The following PHKB variants were observed in gnomAD, a reference collection of about 807,000 sequenced individuals.
PHKB encodes the protein phosphorylase b kinase regulatory subunit beta.
PHKB carries 122 observed loss-of-function variants against 152.1 expected under a neutral mutation model. That is an observed-to-expected ratio of 0.80 (90% confidence interval 0.69 to 0.93). The LOEUF is 0.93. Among genes scored for constraint, PHKB ranks in the 40% least tolerant of loss-of-function variants. The probability of loss-of-function intolerance (pLI) is 0.00; values close to 1 mark genes in which losing one functional copy is unlikely to be tolerated. For missense variants in PHKB, 1,304 were observed against 1,328.4 expected (o/e 0.98, Z 0.29); for synonymous variants, 436 against 464.9 (o/e 0.94, Z 0.80).
intron 14 of PHKB, among the ~76,000 whole-genome samples, chr16:47,636,968 C>A (rs377152933): frequency 6.6e-6 from 1 of 152,144 alleles, no homozygotes; most frequent in Non-Finnish European, 1.5e-5. Flanking sequence ...GATCAGCATG[C>A]GCTTCCTCCC....
chr16:47,665,958 G>T (rs1973530834), intron 25 of PHKB: 1 of 1,613,864 alleles, frequency 6.2e-7, no homozygotes, highest in Non-Finnish European at 8.5e-7. Context: ...TGTACGCCGT[G>T]CAGCAAGTCT....
chr16:47,580,339 T>C lies in PHKB; in HGVS notation c.755T>C (p.Phe252Ser). The C allele has an allele frequency of 6.2e-7, 1 of 1,612,374 alleles. No homozygotes were observed. Among genetic ancestry groups the C allele is most frequent in the Non-Finnish European group, 8.5e-7 (1 of 1,178,614 alleles). ...GCAGCTCTAGAAGCAATTAATGGAT[T>C]CAACCTTTTTGGCAACCAGGTAAAA... is the stretch of plus-strand genomic sequence containing the variant. ...AKAALEAING[F>S]NLFGNQGCSW... is the part of the protein sequence containing the mutation. The change falls in exon 8 of 31, where the codon TTC becomes TCC. Residue 252 changes from phenylalanine to serine, a missense_variant. Transcript: ENST00000323584.
intron 1 of PHKB, among the ~76,000 whole-genome samples, chr16:47,468,129 C>T (rs1257291744): frequency 1.3e-5 from 2 of 152,124 alleles, no homozygotes; most frequent in Non-Finnish European, 2.9e-5. Context: ...CTTTCTACTC[C>T]ACCTCTAAAA....
chr16:47,690,088 A>T (rs779324951), intron 27 of PHKB, among the ~76,000 whole-genome samples: 38 of 152,374 alleles, frequency 2.5e-4, no homozygotes, highest in Non-Finnish European at 4.9e-4. Context: ...CACAACAGAC[A>T]AATAGAAGAG....
At chr16:47,677,716 G>C (rs550994485) in intron 26 of PHKB, among the ~76,000 whole-genome samples, 3 of 152,154 alleles carry the variant, frequency 2.0e-5, no homozygotes, top group South Asian at 2.1e-4. Context: ...TTTGGAGGGG[G>C]AGAAAGAATT....
At chr16:47,668,080 T>C (rs1973570540) in intron 25 of PHKB, among the ~76,000 whole-genome samples, 1 of 152,200 alleles carries the variant, frequency 6.6e-6, no homozygotes, top group South Asian at 2.1e-4. Flanking sequence ...AATGGAGCAT[T>C]CAGAATTTTT....
intron 13 of PHKB, among the ~76,000 whole-genome samples, chr16:47,604,791 ATTAAC>A (rs1287120848): frequency 2.6e-5 from 4 of 152,200 alleles, no homozygotes; most frequent in Non-Finnish European, 5.9e-5. Context: ...AAAAAAATTA[ATTAAC>A]TTAATTCCTA....
chr16:47,665,032 A>G (rs1324608088), intron 25 of PHKB, 57 bp downstream of exon 25: 2 of 1,073,322 alleles, frequency 1.9e-6, no homozygotes, highest in Non-Finnish European at 2.9e-6. Context: ...GCTTATTTGC[A>G]CTCTGAAGGT....
chr16:47,586,500 A>G (rs1434175921), intron 8 of PHKB, among the ~76,000 whole-genome samples: 3 of 152,238 alleles, frequency 2.0e-5, no homozygotes, highest in South Asian at 2.1e-4. Flanking sequence ...AAATCATTCT[A>G]TTTTATGAGC....
At chr16:47,647,997 C>T (rs1202787362) in intron 16 of PHKB, among the ~76,000 whole-genome samples, 2 of 152,084 alleles carry the variant, frequency 1.3e-5, no homozygotes, top group Admixed American at 1.3e-4. Flanking sequence ...ATATATACCC[C>T]TTTCAGCGTA....
chr16:47,545,684 G>T (rs1432240612), intron 6 of PHKB, among the ~76,000 whole-genome samples: 1 of 152,184 alleles, frequency 6.6e-6, no homozygotes, highest in African/African-American at 2.4e-5. Flanking sequence ...ATCTTGAAGC[G>T]TGTTTTCCAC....
chr16:47,494,981 T>A (rs182183114), intron 1 of PHKB, among the ~76,000 whole-genome samples: 60 of 152,340 alleles, frequency 3.9e-4, no homozygotes, highest in African/African-American at 1.3e-3. Context: ...AATACAATGA[T>A]GATCACTAAA....
intron 6 of PHKB, among the ~76,000 whole-genome samples, chr16:47,518,569 A>G (rs1439333746): frequency 6.6e-6 from 1 of 152,072 alleles, no homozygotes; most frequent in Non-Finnish European, 1.5e-5. Context: ...ATTTTCTAAC[A>G]TCTTTCGTTG....
intron 6 of PHKB, among the ~76,000 whole-genome samples, chr16:47,523,908 TCTA>T (rs1970724961): frequency 6.6e-6 from 1 of 152,138 alleles, no homozygotes. Context: ...TTGGGGGAGT[TCTA>T]AAGCTGTTCT....
At chr16:47,618,071 G>A (rs1328188811) in intron 14 of PHKB, among the ~76,000 whole-genome samples, 1 of 152,234 alleles carries the variant, frequency 6.6e-6, no homozygotes, top group Non-Finnish European at 1.5e-5. Context: ...CAAATCCAGT[G>A]CCCCTCTGGG....
chr16:47,518,424 T>C (rs980817219), intron 6 of PHKB, among the ~76,000 whole-genome samples: 18 of 152,264 alleles, frequency 1.2e-4, no homozygotes, highest in African/African-American at 4.3e-4. Flanking sequence ...GTAGTTCCTT[T>C]GGGAGAGGGC....
chr16:47,509,516 T>G (rs916220273), intron 4 of PHKB, among the ~76,000 whole-genome samples: 1 of 152,210 alleles, frequency 6.6e-6, no homozygotes, highest in Non-Finnish European at 1.5e-5. Context: ...TTTATGAGCA[T>G]ACAAATGTTC....
At chr16:47,570,963 T>C (rs1971648399) in intron 7 of PHKB, among the ~76,000 whole-genome samples, 1 of 152,150 alleles carries the variant, frequency 6.6e-6, no homozygotes, top group Non-Finnish European at 1.5e-5. Context: ...GGTTCTTTTT[T>C]TTTCCCCCGT....
chr16:47,570,479 G>T (rs192112929), intron 7 of PHKB, among the ~76,000 whole-genome samples: 60 of 152,110 alleles, frequency 3.9e-4, no homozygotes, highest in Admixed American at 3.8e-3. Context: ...TTGTTTCTTT[G>T]TATTCTTTTT....
Sources: gnomAD v4.1 joint callset for allele counts (sites outside exome capture counted in the v4.1 genomes callset) on GRCh38, gnomAD v4.1.1 for gene constraint, MANE v1.5 for transcripts, NCBI Gene and HGNC (gene_info 2026-07-23, HGNC 2026-07-21) for gene names.